Variants in IDE observed in about 807,000 individuals in gnomAD.
The protein encoded by IDE is insulin degrading enzyme, also known as insulin-degrading enzyme.
A neutral mutation model predicts 133.2 loss-of-function variants in IDE; 58 were observed. That is an observed-to-expected ratio of 0.44 (90% CI 0.35 to 0.54). The LOEUF (loss-of-function observed/expected upper bound fraction) is 0.54. IDE is among the 20% of genes least tolerant of loss of function. IDE has a pLI of 0.00. For synonymous variants in IDE, 396 were observed against 421.3 expected (o/e 0.94, Z 0.73); for missense variants, 981 against 1,234.0 (o/e 0.79, Z 3.07).
In IDE at chr10:92,490,550, T is replaced by G. The variant is rs1314503825; in HGVS notation, c.1476A>C (p.Thr492=). 6.2e-7 allele frequency: 1 copy of G among 1,613,512 alleles called. No individual in the cohort carries two copies. The highest frequency in any genetic ancestry group is 8.5e-7 in the Non-Finnish European group (1 of 1,179,458). The change falls in exon 12 of 25, where the codon ACA becomes ACC. Residue 492 remains threonine (T), a synonymous_variant. Transcript: ENST00000265986. ...SKSFEGKTDR[T]EEWYGTQYKQ... ...TGTACTGGGTTCCATACCACTCTTC[T>G]GTGCGATCAGTTTTTCCTTCAAAAG...
chr10:92,563,753 CA>C (rs1254395887), intron 1 of IDE, among the ~76,000 whole-genome samples: 2 of 130,478 alleles, frequency 1.5e-5, no homozygotes, highest in South Asian at 2.4e-4. Context: ...GACTCCGTCT[CA>C]AAAAAAAAAG....
chr10:92,505,469 A>T (rs1303574210), intron 10 of IDE, among the ~76,000 whole-genome samples: 1 of 152,236 alleles, frequency 6.6e-6, no homozygotes. Flanking sequence ...ATAAATATTT[A>T]ATGAACATCT....
chr10:92,499,980 T>C (rs1348004311), intron 11 of IDE, among the ~76,000 whole-genome samples: 1 of 152,180 alleles, frequency 6.6e-6, no homozygotes, highest in African/African-American at 2.4e-5. Flanking sequence ...TTCTCAATTA[T>C]GTTGATGCTC....
intron 1 of IDE, among the ~76,000 whole-genome samples, chr10:92,564,805 C>A (rs1466144543): frequency 3.3e-5 from 5 of 149,592 alleles, no homozygotes; most frequent in African/African-American, 4.9e-5. Flanking sequence ...TACCTGTAAT[C>A]CTTGCTACTT....
intron 1 of IDE, among the ~76,000 whole-genome samples, chr10:92,568,273 C>T (rs961889945): frequency 1.3e-5 from 2 of 152,064 alleles, no homozygotes; most frequent in Admixed American, 1.3e-4. Flanking sequence ...GCCTATCTTA[C>T]AGAATTTTTG....
intron 21 of IDE, among the ~76,000 whole-genome samples, chr10:92,461,505 G>A (rs73323661): frequency 1.1e-4 from 16 of 151,864 alleles, no homozygotes; most frequent in African/African-American, 3.6e-4. Flanking sequence ...ACAGGCACAA[G>A]CCAACACGTC....
rs1848403393 is a variant in IDE, at chr10:92,508,292, G to A, written c.1061-87C>T. On this transcript the variant is annotated intron_variant, in intron 7 of 24. Transcript: ENST00000265986. ...AAAATTTTAAAAATTCATACTGTAT[G>A]TTCCTAAGATATCAGAATGAACCTC... 3 of 980,172 alleles carry A rather than the reference G, an allele frequency of 3.1e-6. No homozygotes were observed. The South Asian group carries it at 4.3e-5, about 14-fold the overall frequency. 60.7% of individuals were successfully genotyped at this position (980,172 alleles called of 1,614,324 possible). A position where few individuals can be genotyped will look rare whatever the true frequency, so the allele number is the denominator to read the frequency against.
chr10:92,491,957 T>A (rs1398268517), intron 11 of IDE, among the ~76,000 whole-genome samples: 3 of 151,226 alleles, frequency 2.0e-5, no homozygotes, highest in Non-Finnish European at 4.4e-5. Flanking sequence ...AGAAGAGAAG[T>A]CAGATGGAAA....
At chr10:92,550,138 A>T (rs1480610654) in intron 1 of IDE, among the ~76,000 whole-genome samples, 1 of 152,162 alleles carries the variant, frequency 6.6e-6, no homozygotes, top group Non-Finnish European at 1.5e-5. Context: ...ATTGCACGTC[A>T]GCCTGGGCCA....
intron 4 of IDE, among the ~76,000 whole-genome samples, chr10:92,515,893 G>A (rs538987753): frequency 1.7e-4 from 26 of 150,270 alleles, no homozygotes; most frequent in African/African-American, 2.9e-4. Context: ...ACTTTTGGCC[G>A]GGTGCATGGC....
At chr10:92,526,214 A>G (rs1355494664) in intron 4 of IDE, among the ~76,000 whole-genome samples, 4 of 151,986 alleles carry the variant, frequency 2.6e-5, no homozygotes, top group Non-Finnish European at 5.9e-5. Context: ...TACTAATAAG[A>G]GAAATTAAGG....
chr10:92,508,347 T>C (rs1285575037), intron 7 of IDE, 142 bp from the exon 8 acceptor site: 4 of 698,968 alleles, frequency 5.7e-6, no homozygotes, highest in Non-Finnish European at 9.9e-6. Flanking sequence ...AAAAAATCAG[T>C]TCAGAAAAGC....
intron 11 of IDE, among the ~76,000 whole-genome samples, chr10:92,496,603 T>C (rs191402718): frequency 5.5e-4 from 84 of 152,154 alleles, no homozygotes; most frequent in South Asian, 3.7e-3. Flanking sequence ...CTGGCCAATA[T>C]GGTGAAACCC....
At chr10:92,533,960 T>G (rs1233825308) in intron 3 of IDE, among the ~76,000 whole-genome samples, 1 of 151,956 alleles carries the variant, frequency 6.6e-6, no homozygotes, top group Admixed American at 6.6e-5. Flanking sequence ...AAGGCGAAGG[T>G]TGCAGTGAGC....
intron 11 of IDE, among the ~76,000 whole-genome samples, chr10:92,495,423 G>A (rs970202553): frequency 6.6e-6 from 1 of 152,090 alleles, no homozygotes; most frequent in Non-Finnish European, 1.5e-5. Context: ...GTTTCACTAT[G>A]TTGGCCAGGC....
rs1346925336 is a variant in IDE, at chr10:92,531,867, C to T, written c.542G>A (p.Arg181Lys). ...CPLFDESCKDREVNAVDSEHE... is the reference protein window; with the variant it reads ...CPLFDESCKDKEVNAVDSEHE... The stretch of plus-strand genomic sequence containing the variant: ...TTCTGAATCAACTGCATTCACCTCT[C>T]TGTCTTTGCAACTTTCATCGAACAA... The change falls in exon 4 of 25, where the codon AGA becomes AAA. Residue 181 changes from arginine to lysine, a missense_variant. By Grantham distance (26) the Arg-to-Lys change is conservative. This residue lies in a region of IDE where 321 missense variants were observed against 339.3 expected (regional missense o/e 0.95). Transcript: ENST00000265986. The T allele has an allele frequency of 6.3e-7, 1 of 1,580,746 alleles. No individual in the cohort carries two copies. Among genetic ancestry groups the T allele is most frequent in the Admixed American group, 1.7e-5 (1 of 58,250 alleles).
intron 1 of IDE, among the ~76,000 whole-genome samples, chr10:92,573,526 C>T (rs1288947777): frequency 2.0e-5 from 3 of 152,256 alleles, no homozygotes; most frequent in African/African-American, 7.2e-5. Flanking sequence ...CTTTACCCCA[C>T]GGCTCGAGTC....
intron 4 of IDE, among the ~76,000 whole-genome samples, chr10:92,529,945 G>T (rs1005609679): frequency 6.6e-6 from 1 of 152,090 alleles, no homozygotes; most frequent in African/African-American, 2.4e-5. Context: ...TTAAATAATC[G>T]CCAGGCGCAG....
At chr10:92,504,444 C>T (rs906955022) in intron 11 of IDE, among the ~76,000 whole-genome samples, 3 of 152,078 alleles carry the variant, frequency 2.0e-5, no homozygotes, top group African/African-American at 7.2e-5. Context: ...TGGGCTGATA[C>T]TTTGGGCGTT....
Sources: gnomAD v4.1 joint callset for allele counts (sites outside exome capture counted in the v4.1 genomes callset) on GRCh38, gnomAD v4.1.1 for gene constraint, gnomAD v4.1.1 regional missense constraint, MANE v1.5 for transcripts, NCBI Gene and HGNC (gene_info 2026-07-23, HGNC 2026-07-21) for gene names.